Variants in XYLT2 observed in about 807,000 individuals in gnomAD.
XYLT2 encodes the protein UDP-D-xylose:proteoglycan core protein beta-D-xylosyltransferase.
Under a neutral mutation model 82.6 loss-of-function variants are expected in XYLT2, and 37 were observed. The observed-to-expected ratio is 0.45, with a 90% confidence interval of 0.34 to 0.59. XYLT2 has a LOEUF of 0.59. Among genes scored for constraint, XYLT2 ranks in the 20% least tolerant of loss-of-function variants. XYLT2 has a pLI of 0.01. For missense variants in XYLT2, 934 were observed against 1,181.3 expected, an observed-to-expected ratio of 0.79 and a Z score of 3.07; for synonymous variants, 474 against 499.0, an observed-to-expected ratio of 0.95 and a Z score of 0.67.
rs1912777056 is a variant in XYLT2 at position 50,360,798 on chromosome 17, T to C, written c.*507T>C. On this transcript the variant is annotated 3_prime_UTR_variant, in exon 11 of 11. Transcript: ENST00000017003. ...GGCCTGTGGTGCTCGTGGCTGAGGC[T>C]CCACAGGGCTGCAAGTGCCCTGCCA... 5.1e-6 allele frequency: 5 copies of C among 986,222 alleles called. No homozygotes were observed. The Middle Eastern group carries it at 2.1e-3, about 412-fold the overall frequency. The allele number at this position is 986,222 out of a possible 1,614,324, so 61.1% of individuals were successfully genotyped here. A position where few individuals can be genotyped will look rare whatever the true frequency, so the allele number is the denominator to read the frequency against.
At position 50,356,508 on chromosome 17, in the gene XYLT2, C is replaced by G. The variant is rs1912539262; in HGVS notation, c.1483-3C>G. 1 of 1,613,600 alleles carries G rather than the reference C, an allele frequency of 6.2e-7. No individual in the cohort carries two copies. Among genetic ancestry groups the G allele is most frequent in the East Asian group, 2.2e-5 (1 of 44,894 alleles). On this transcript the variant is annotated splice_region_variant and splice_polypyrimidine_tract_variant and intron_variant, in intron 7 of 10. Coordinates refer to ENST00000017003, the MANE Select transcript of XYLT2 (RefSeq NM_022167.4). ...TTCACCCTCCTTGCCTCTCCCACTCCAGCAAGTCTCCAGACCCACCTTCTT... is the reference window on the plus strand; with the variant it reads ...TTCACCCTCCTTGCCTCTCCCACTCGAGCAAGTCTCCAGACCCACCTTCTT...
In XYLT2 at chr17:50,346,510, G is replaced by C; in HGVS notation, c.135+235G>C. ...TGGAGACCCGGGCCCTGGTGGATTG[G>C]GAGTCGGGCGGGGGGAGCAGGTCAT... On this transcript the variant is annotated intron_variant, in intron 1 of 10. Coordinates refer to ENST00000017003, the MANE Select transcript of XYLT2 (RefSeq NM_022167.4). The surrounding 1 kb of genome is among the most constrained non-coding windows in gnomAD (Gnocchi z 5.1). The C allele has an allele frequency of 3.5e-6, 3 of 861,260 alleles. No individual in the cohort carries two copies. The highest frequency in any genetic ancestry group is 5.3e-5 in the South Asian group (1 of 18,762). 53.4% of individuals were successfully genotyped at this position (861,260 alleles called of 1,614,324 possible). A position where few individuals can be genotyped will look rare whatever the true frequency, so the allele number is the denominator to read the frequency against.
chr17:50,351,647 TG>T (rs1912273060), intron 1 of XYLT2, among the ~76,000 whole-genome samples: 1 of 151,672 alleles, frequency 6.6e-6, no homozygotes, highest in African/African-American at 2.4e-5. Flanking sequence ...GAAAAAAAAA[TG>T]ATTCCTAAAA....
At chr17:50,349,411 C>T (rs1003704674) in intron 1 of XYLT2, among the ~76,000 whole-genome samples, 4 of 152,158 alleles carry the variant, frequency 2.6e-5, no homozygotes, top group Non-Finnish European at 4.4e-5. Context: ...TATCTCTTCT[C>T]GGATGGGAAT....
chr17:50,355,768 C>A lies in XYLT2; in HGVS notation c.1089-13C>A, dbSNP rs1255573802. The A allele has an allele frequency of 1.2e-6, 2 of 1,611,412 alleles. No individual in the cohort carries two copies. Among genetic ancestry groups the A allele is most frequent in the Non-Finnish European group, 1.7e-6 (2 of 1,178,406 alleles). ...TGCAGGATCCCCAGCCATGGCCTCT[C>A]TGCTGCCCACAGGTTCATCAAGAAA... On this transcript the variant is annotated splice_polypyrimidine_tract_variant and intron_variant, in intron 5 of 10. Transcript: ENST00000017003.
Position 50,354,018 on chromosome 17 carries a change from G to T in XYLT2, c.524G>T (p.Arg175Leu). The T allele has an allele frequency of 6.2e-7, 1 of 1,607,528 alleles. No homozygotes were observed. ...VGKDALSALA[R>L]ASTKQCQQEI... ...AAGGACGCACTGTCTGCACTGGCCC[G>T]GGCCAGCACCAAGCAGTGCCAGCAG... is the stretch of plus-strand genomic sequence containing the variant. The change falls in exon 2 of 11, where the codon CGG (arginine) becomes CTG (leucine). Residue 175 changes from arginine to leucine, a missense_variant. Arg to Leu is a moderately radical substitution (Grantham distance 102). Coordinates refer to ENST00000017003, the MANE Select transcript of XYLT2 (RefSeq NM_022167.4).
chr17:50,360,571 CTTTTTTTTTTT>C lies in XYLT2; in HGVS notation c.*289_*299del, dbSNP rs386386236. 7 of 979,878 alleles carry C rather than the reference CTTTTTTTTTTT, an allele frequency of 7.1e-6. No homozygotes were observed. The East Asian group carries it at 3.2e-4, about 45-fold the overall frequency. 60.7% of individuals were successfully genotyped at this position (979,878 alleles called of 1,614,324 possible). On this transcript the variant is annotated 3_prime_UTR_variant, in exon 11 of 11. Transcript: ENST00000017003. ...TGTCTAGTTTGAATTTCTTTTTTTTCTTTTTTTTTTTTTTTTTTTAATTTAAAAAGGAAAAT... is the reference window on the plus strand; with the variant it reads ...TGTCTAGTTTGAATTTCTTTTTTTTCTTTTTTTTAATTTAAAAAGGAAAAT...
Position 50,360,590 on chromosome 17 carries a change from T to TA in XYLT2, c.*301dup, listed in dbSNP as rs55719603. On this transcript the variant is annotated 3_prime_UTR_variant, in exon 11 of 11. Transcript: ENST00000017003. Reference sequence around the variant, plus strand: ...TTTTTTCTTTTTTTTTTTTTTTTTTTAATTTAAAAAGGAAAATGGGTGGTT... The same window carrying TA: ...TTTTTTCTTTTTTTTTTTTTTTTTTTAAATTTAAAAAGGAAAATGGGTGGTT... The TA allele has an allele frequency of 1.9e-4, 217 of 1,143,098 alleles. No individual in the cohort carries two copies. The African/African-American group carries it at 2.5e-3, about 13-fold the overall frequency. 70.8% of individuals were successfully genotyped at this position (1,143,098 alleles called of 1,614,324 possible).
intron 1 of XYLT2, among the ~76,000 whole-genome samples, chr17:50,349,755 G>A (rs1052574617): frequency 6.6e-6 from 1 of 152,100 alleles, no homozygotes; most frequent in Non-Finnish European, 1.5e-5. Flanking sequence ...GGGTAGGTTG[G>A]GGGAAGTCCT....
rs899269662 is a variant in XYLT2, at chr17:50,346,916, G to A, written c.135+641G>A. Reference sequence around the variant, plus strand: ...CCTGGATGGGTCTCCGGAGGGCAGGGAGAGGAGGAACTGAGCTGGTGAGTT... The same window carrying A: ...CCTGGATGGGTCTCCGGAGGGCAGGAAGAGGAGGAACTGAGCTGGTGAGTT... On this transcript the variant is annotated intron_variant, in intron 1 of 10. Transcript: ENST00000017003. This position sits in a 1 kb window ranked among gnomAD's most constrained non-coding sequence, Gnocchi z 5.1. 1 of 985,306 alleles carries A rather than the reference G, an allele frequency of 1.0e-6. No homozygotes were observed. Among genetic ancestry groups the A allele is most frequent in the African/African-American group, 1.7e-5 (1 of 57,228 alleles). 61.0% of individuals were successfully genotyped at this position (985,306 alleles called of 1,614,324 possible).
chr17:50,349,470 C>T lies in XYLT2; in HGVS notation c.135+3195C>T, dbSNP rs552483552. ...CACCTTTAAGAGATCAGAGGGCAACCGGGCACTGTGGCTCATGCCTGTAAT... is the reference window on the plus strand; with the variant it reads ...CACCTTTAAGAGATCAGAGGGCAACTGGGCACTGTGGCTCATGCCTGTAAT... On this transcript the variant is annotated intron_variant, in intron 1 of 10. Transcript: ENST00000017003. 5.9e-5 allele frequency among the ~76,000 whole-genome samples: 9 copies of T among 152,320 alleles called. No individual in the cohort carries two copies. The South Asian group carries it at 1.5e-3, about 25-fold the overall frequency.
chr17:50,356,573 G>A lies in XYLT2; in HGVS notation c.1545G>A (p.Leu515=), dbSNP rs1340932229. ...KFESTVNQEV[L]EILDFHLYGS... ...AGTCGACTGTGAACCAGGAGGTGCT[G>A]GAAATCCTGGACTTCCACCTGTATG... The change falls in exon 8 of 11, where the codon CTG becomes CTA. Residue 515 remains leucine, a synonymous_variant. Coordinates refer to ENST00000017003, the MANE Select transcript of XYLT2 (RefSeq NM_022167.4). 1 of 1,614,140 alleles carries A rather than the reference G, an allele frequency of 6.2e-7. No homozygotes were observed. The highest frequency in any genetic ancestry group is 2.2e-5 in the East Asian group (1 of 44,882).
chr17:50,354,765 C>G (rs1912437817), intron 3 of XYLT2, 89 bp from the exon 4 acceptor site: 2 of 1,581,726 alleles, frequency 1.3e-6, no homozygotes, highest in African/African-American at 1.3e-5. Flanking sequence ...CCTGTGCTTT[C>G]CTCGTCTTGT....
Position 50,361,081 on chromosome 17 carries a change from G to A in XYLT2, c.*790G>A. On this transcript the variant is annotated 3_prime_UTR_variant, in exon 11 of 11. Transcript: ENST00000017003. ...CTGTCAAGACTCTCAGAAGAACCTGGAGTAATTGTGCCTGAAGCTCAGCGT... is the reference window on the plus strand; with the variant it reads ...CTGTCAAGACTCTCAGAAGAACCTGAAGTAATTGTGCCTGAAGCTCAGCGT... 1 of 985,934 alleles carries A rather than the reference G, an allele frequency of 1.0e-6. No homozygotes were observed. Among genetic ancestry groups the A allele is most frequent in the Non-Finnish European group, 1.2e-6 (1 of 829,970 alleles). 61.1% of individuals were successfully genotyped at this position (985,934 alleles called of 1,614,324 possible). A position where few individuals can be genotyped will look rare whatever the true frequency, so the allele number is the denominator to read the frequency against.
rs1912063937 is a variant in XYLT2, at chr17:50,346,852, TTCC to T, written c.135+578_135+580del. Reference sequence around the variant, plus strand: ...GACGCCGAAGGAGAGAACTGGAGTATTCCCGAGGTGTGGCTTCCTCAGCCGGGG... The same window carrying T: ...GACGCCGAAGGAGAGAACTGGAGTATCGAGGTGTGGCTTCCTCAGCCGGGG... On this transcript the variant is annotated intron_variant, in intron 1 of 10. Coordinates refer to ENST00000017003, the MANE Select transcript of XYLT2 (RefSeq NM_022167.4). The surrounding 1 kb of genome is among the most constrained non-coding windows in gnomAD (Gnocchi z 5.1). 1.0e-6 allele frequency: 1 copy of T among 985,182 alleles called. No individual in the cohort carries two copies. 61.0% of individuals were successfully genotyped at this position (985,182 alleles called of 1,614,324 possible).
chr17:50,358,666 C>T, intron 10 of XYLT2, 126 bp downstream of exon 10: 1 of 1,022,498 alleles, frequency 9.8e-7, no homozygotes, highest in East Asian at 2.6e-5. Flanking sequence ...CATGGAAGGG[C>T]TGGGGCCTTC....
rs548084707 is a variant in XYLT2 at position 50,357,453 on chromosome 17, AC to A, written c.1941+202del. 450 of 547,692 alleles carry A rather than the reference AC, an allele frequency of 8.2e-4. 11 individuals carry two copies. In the South Asian group the frequency reaches 0.011, roughly 13 times the overall value. 33.9% of individuals were successfully genotyped at this position (547,692 alleles called of 1,614,324 possible). A position where few individuals can be genotyped will look rare whatever the true frequency, so the allele number is the denominator to read the frequency against. On this transcript the variant is annotated intron_variant, in intron 9 of 10. Transcript: ENST00000017003. ...ACCTCCTGGTTGGGGTATGCAGAGG[AC>A]ATGCAGGGAGCAGGGAGGGAATTAT... is the stretch of plus-strand genomic sequence containing the variant.
chr17:50,355,590 G>T lies in XYLT2; in HGVS notation c.1088+9G>T, dbSNP rs1287389111. 1.2e-6 allele frequency: 2 copies of T among 1,613,952 alleles called. No individual in the cohort carries two copies. Among genetic ancestry groups the T allele is most frequent in the East Asian group, 4.5e-5 (2 of 44,870 alleles). On this transcript the variant is annotated intron_variant, in intron 5 of 10. Transcript: ENST00000017003. Reference sequence around the variant, plus strand: ...GGCCGGGACAACTCCAGGTGAGGGGGTGGGGAAGGAGGCCCTGGCCCCAGA... The same window carrying T: ...GGCCGGGACAACTCCAGGTGAGGGGTTGGGGAAGGAGGCCCTGGCCCCAGA...
intron 1 of XYLT2, among the ~76,000 whole-genome samples, chr17:50,352,240 T>C (rs551334924): frequency 6.6e-6 from 1 of 152,240 alleles, no homozygotes; most frequent in East Asian, 1.9e-4. Context: ...TGGGGGAGCA[T>C]GCTCAGAGAA....
Sources: allele counts gnomAD v4.1 joint callset (sites outside exome capture counted in the v4.1 genomes callset), GRCh38; gene constraint gnomAD v4.1.1; non-coding constraint Gnocchi (gnomAD v3.1); transcripts MANE v1.5; gene names NCBI Gene and HGNC (gene_info 2026-07-23, HGNC 2026-07-21).